The following EIF3B variants were observed in gnomAD, a reference collection of about 807,000 sequenced individuals.
EIF3B encodes the protein eukaryotic translation initiation factor 3 subunit 9.
In EIF3B, 10 loss-of-function variants were observed where a neutral mutation model predicts 104.6. That is an observed-to-expected ratio of 0.10 (90% CI 0.06 to 0.16). The LOEUF (loss-of-function observed/expected upper bound fraction) is 0.16, where lower values mean the gene tolerates loss of function less well. Ranked by LOEUF, EIF3B falls within the 10% of genes least tolerant of loss-of-function variation. EIF3B has a pLI of 1.00. For missense variants in EIF3B, 1,014 were observed against 1,087.9 expected (o/e 0.93, Z 0.96); for synonymous variants, 542 against 417.2 (o/e 1.30, Z -3.65).
intron 1 of EIF3B, among the ~76,000 whole-genome samples, chr7:2,358,225 AAG>A: frequency 6.6e-6 from 1 of 152,154 alleles, no homozygotes; most frequent in African/African-American, 2.4e-5. Context: ...CTGGGATTAT[AAG>A]CATGTGCCAC....
At chr7:2,359,737 T>G (rs911854848) in intron 1 of EIF3B, among the ~76,000 whole-genome samples, 1 of 152,208 alleles carries the variant, frequency 6.6e-6, no homozygotes, top group African/African-American at 2.4e-5. Context: ...GGCCAGTCTT[T>G]GGGGCTGAGC....
At position 2,366,550 on chromosome 7, in the gene EIF3B, G is replaced by C; in HGVS notation, c.1315G>C (p.Ala439Pro). 1 of 1,614,112 alleles carries C rather than the reference G, an allele frequency of 6.2e-7. No individual in the cohort carries two copies. Among genetic ancestry groups the C allele is most frequent in the Non-Finnish European group, 8.5e-7 (1 of 1,180,016 alleles). The change falls in exon 8 of 19, where the codon GCC becomes CCC. Residue 439 changes from alanine to proline, a missense_variant. Around this residue, in one of 4 missense-constraint regions of EIF3B, gnomAD observed 201 missense variants for 240.7 expected, o/e 0.83. Transcript: ENST00000360876. ...FKWSHDGKFFARMTLDTLSIY... is the reference protein window; with the variant it reads ...FKWSHDGKFFPRMTLDTLSIY... ...GTGGAGCCATGATGGCAAATTCTTT[G>C]CCAGAATGACCCTGGATACGCTTAG...
At chr7:2,365,671 G>GTT (rs1436210560) in intron 6 of EIF3B, among the ~76,000 whole-genome samples, 1 of 108,950 alleles carries the variant, frequency 9.2e-6, no homozygotes, top group African/African-American at 4.5e-5. Flanking sequence ...TTGTTTGTTT[G>GTT]TTTGTTTTGT....
At chr7:2,378,982 T>C (rs1464642882) in intron 16 of EIF3B, 152 bp from the exon 17 acceptor site, 5 of 771,654 alleles carry the variant, frequency 6.5e-6, no homozygotes, top group African/African-American at 1.7e-5. Flanking sequence ...GGGGGCAGCG[T>C]TGGGGGAAAA....
chr7:2,355,256 C>T lies in EIF3B; in HGVS notation c.335C>T (p.Ala112Val), dbSNP rs1562471466. Residue 112 changes from alanine to valine, a missense_variant, in exon 1 of 19, where the codon GCT becomes GTT. Coordinates refer to ENST00000360876, the MANE Select transcript of EIF3B (RefSeq NM_001037283.2). ...CAGGGCGAGGCCCCAGGAGAGCAGGCTCGGGACGAGCGCTCCGACAGCCGG... is the reference window on the plus strand; with the variant it reads ...CAGGGCGAGGCCCCAGGAGAGCAGGTTCGGGACGAGCGCTCCGACAGCCGG... The part of the protein sequence containing the change: ...PAQGEAPGEQ[A>V]RDERSDSRAQ... 2 of 1,529,836 alleles carry T rather than the reference C, an allele frequency of 1.3e-6. No homozygotes were observed. The highest frequency in any genetic ancestry group is 2.0e-5 in the Admixed American group (1 of 50,784). 94.8% of individuals were successfully genotyped at this position (1,529,836 alleles called of 1,614,324 possible).
intron 1 of EIF3B, among the ~76,000 whole-genome samples, chr7:2,355,795 G>C (rs1355068158): frequency 6.6e-6 from 1 of 152,112 alleles, no homozygotes; most frequent in Non-Finnish European, 1.5e-5. Flanking sequence ...AGGTTTGCGG[G>C]TCTACGTGTC....
chr7:2,375,091 C>T, intron 13 of EIF3B: 2 of 436,848 alleles, frequency 4.6e-6, no homozygotes, highest in Non-Finnish European at 4.2e-6. Flanking sequence ...CCTTTTGTTG[C>T]TGCTCTCCCT....
In EIF3B at chr7:2,355,096, G is replaced by C; in HGVS notation, c.175G>C (p.Glu59Gln). 1 of 1,340,588 alleles carries C rather than the reference G, an allele frequency of 7.5e-7. No individual in the cohort carries two copies. The allele number at this position is 1,340,588 out of a possible 1,614,324, so 83.0% of individuals were successfully genotyped here. ...CTCCAGTGAGGAGGTGGGGATCGCGGAGGCCGGGCCGGAGTCCGAGGTGAG... is the reference window on the plus strand; with the variant it reads ...CTCCAGTGAGGAGGTGGGGATCGCGCAGGCCGGGCCGGAGTCCGAGGTGAG... ...EASSEEVGIA[E>Q]AGPESEVRTE... Residue 59 changes from glutamate to glutamine, a missense_variant, in exon 1 of 19, where the codon GAG becomes CAG. This residue lies in a region of EIF3B where 488 missense variants were observed against 404.3 expected (regional missense o/e 1.21). Transcript: ENST00000360876.
intron 1 of EIF3B, 138 bp downstream of exon 1, chr7:2,355,558 C>G (rs1025295376): frequency 3.2e-6 from 4 of 1,234,682 alleles, no homozygotes; most frequent in Non-Finnish European, 4.2e-6. Context: ...TGAGAAGCCA[C>G]CGAGGGAGGG....
upstream of EIF3B, chr7:2,354,359 G>A (rs1437987955): frequency 1.3e-5 from 2 of 152,262 alleles, no homozygotes; most frequent in Non-Finnish European, 2.9e-5. Context: ...ACACGGACAG[G>A]GGGGACTTTA....
intron 2 of EIF3B, among the ~76,000 whole-genome samples, chr7:2,361,864 C>T (rs931309143): frequency 6.6e-6 from 1 of 152,122 alleles, no homozygotes; most frequent in East Asian, 1.9e-4. Context: ...GCAACCTCCG[C>T]CTCCCGGGTT....
At position 2,355,226 on chromosome 7, in the gene EIF3B, C is replaced by T. The variant is rs11551168; in HGVS notation, c.305C>T (p.Pro102Leu). ...LPGSHAEPPV[P>L]AQGEAPGEQA... Reference sequence around the variant, plus strand: ...GGGTCGCATGCTGAGCCCCCTGTCCCGGCACAGGGCGAGGCCCCAGGAGAG... The same window carrying T: ...GGGTCGCATGCTGAGCCCCCTGTCCTGGCACAGGGCGAGGCCCCAGGAGAG... Residue 102 changes from proline (P) to leucine (L), a missense_variant, in exon 1 of 19, where the codon CCG (proline) becomes CTG (leucine). This residue lies in a region of EIF3B where 488 missense variants were observed against 404.3 expected (regional missense o/e 1.21). Coordinates refer to ENST00000360876, the MANE Select transcript of EIF3B (RefSeq NM_001037283.2). 3 of 1,500,922 alleles carry T rather than the reference C, an allele frequency of 2.0e-6. No individual in the cohort carries two copies. The highest frequency in any genetic ancestry group is 1.2e-5 in the South Asian group (1 of 80,560). 93.0% of individuals were successfully genotyped at this position (1,500,922 alleles called of 1,614,324 possible). A position where few individuals can be genotyped will look rare whatever the true frequency, so the allele number is the denominator to read the frequency against.
At chr7:2,373,748 C>T (rs1205646877) in intron 12 of EIF3B, 1 of 151,130 alleles carries the variant, frequency 6.6e-6, no homozygotes, top group African/African-American at 2.5e-5. Context: ...TTGTACCTTC[C>T]AAACATGCTG....
chr7:2,363,730 A>G lies in EIF3B; in HGVS notation c.969A>G (p.Val323=), dbSNP rs1231527216. The stretch of plus-strand genomic sequence containing the variant: ...GCACTTCCATATTCTGGAATGACGT[A>G]AAAGACCCTGTCTCAATTGAAGAAA... ...GDRTSIFWND[V]KDPVSIEERA... The change falls in exon 5 of 19, where the codon GTA becomes GTG. Residue 323 remains valine (V), a synonymous_variant. Transcript: ENST00000360876. 2 of 1,614,102 alleles carry G rather than the reference A, an allele frequency of 1.2e-6. No homozygotes were observed. Among genetic ancestry groups the G allele is most frequent in the South Asian group, 1.1e-5 (1 of 91,072 alleles).
At position 2,377,516 on chromosome 7, in the gene EIF3B, TGA is replaced by T. The variant is rs1170917576; in HGVS notation, c.2154+442_2154+443del. 1.2e-3 allele frequency among the ~76,000 whole-genome samples: 156 copies of T among 133,446 alleles called. 2 individuals carry two copies. The highest frequency in any genetic ancestry group is 3.8e-3 in the African/African-American group (129 of 33,682). 87.5% of individuals were successfully genotyped at this position (133,446 alleles called of 152,430 possible). A position where few individuals can be genotyped will look rare whatever the true frequency, so the allele number is the denominator to read the frequency against. On this transcript the variant is annotated intron_variant, in intron 15 of 18. Coordinates refer to ENST00000360876, the MANE Select transcript of EIF3B (RefSeq NM_001037283.2). ...CTCCTGGGATGCTGTGTTGTGTGAA[TGA>T]CCCTGGGTGTCAAGGAGGAAGGAGC...
At chr7:2,363,877 G>C (rs890348324) in intron 5 of EIF3B, 117 bp downstream of exon 5, 76 of 1,259,398 alleles carry the variant, frequency 6.0e-5, no homozygotes, top group Non-Finnish European at 7.9e-5. Context: ...TTTTCTTTGA[G>C]ATTACTTTCT....
chr7:2,366,166 C>T (rs535753384), intron 6 of EIF3B, 151 bp from the exon 7 acceptor site: 15 of 725,512 alleles, frequency 2.1e-5, no homozygotes, highest in African/African-American at 5.3e-5. Context: ...CGCTGCTTCC[C>T]GCTTCCGCTT....
At chr7:2,364,963 A>G (rs1425524057) in intron 6 of EIF3B, among the ~76,000 whole-genome samples, 3 of 152,226 alleles carry the variant, frequency 2.0e-5, no homozygotes, top group Non-Finnish European at 4.4e-5. Flanking sequence ...TATTTTACAG[A>G]TAATAAATTG....
rs115881184 is a variant in EIF3B, at chr7:2,378,566, G to A, written c.2155-123G>A. On this transcript the variant is annotated intron_variant, in intron 15 of 18. Coordinates refer to ENST00000360876, the MANE Select transcript of EIF3B (RefSeq NM_001037283.2). The stretch of plus-strand genomic sequence containing the variant: ...GTCATGGAGAAAGGAGCATGCGAGC[G>A]CTCCTGGGAAGCTGTGTTCTGTGAA... 1,200 of 773,328 alleles carry A rather than the reference G, an allele frequency of 1.6e-3. 14 individuals are homozygous for A. In the African/African-American group the frequency reaches 0.018, roughly 12 times the overall value. The allele number at this position is 773,328 out of a possible 1,614,324, so 47.9% of individuals were successfully genotyped here.
Sources: gnomAD v4.1 joint callset for allele counts (sites outside exome capture counted in the v4.1 genomes callset) on GRCh38, gnomAD v4.1.1 for gene constraint, gnomAD v4.1.1 regional missense constraint, MANE v1.5 for transcripts, NCBI Gene and HGNC (gene_info 2026-07-23, HGNC 2026-07-21) for gene names.